Variants in NBEAL1 observed in about 807,000 individuals in gnomAD.
NBEAL1 encodes neurobeachin-like protein 1.
Under a neutral mutation model 351.3 loss-of-function variants are expected in NBEAL1, and 273 were observed. The observed-to-expected ratio is 0.78, with a 90% CI of 0.70 to 0.86. The LOEUF is 0.86. Ranked by LOEUF, NBEAL1 falls within the 40% of genes least tolerant of loss-of-function variation. The pLI, the probability that NBEAL1 is intolerant of heterozygous loss-of-function variation, is 0.00. For synonymous variants in NBEAL1, 1,050 were observed against 1,086.4 expected (o/e 0.97, Z 0.66); for missense variants, 2,961 against 3,201.3 (o/e 0.92, Z 1.81).
chr2:203,206,998 C>A (rs370687731), intron 51 of NBEAL1, among the ~76,000 whole-genome samples: 2 of 151,884 alleles, frequency 1.3e-5, no homozygotes, highest in South Asian at 2.1e-4. Flanking sequence ...GGCCGCCATC[C>A]CATCTAGGAA....
At chr2:203,142,019 C>T (rs1340913500) in intron 31 of NBEAL1, among the ~76,000 whole-genome samples, 3 of 152,178 alleles carry the variant, frequency 2.0e-5, no homozygotes, top group African/African-American at 7.2e-5. Flanking sequence ...TTCCCTACTC[C>T]CCCTGTTGCC....
At chr2:203,141,363 A>ATT (rs1468774275) in intron 31 of NBEAL1, among the ~76,000 whole-genome samples, 21 of 17,474 alleles carry the variant, frequency 1.2e-3, no homozygotes, top group East Asian at 5.1e-3. Flanking sequence ...TATTATTATT[A>ATT]TTATTTTTTT....
intron 2 of NBEAL1, among the ~76,000 whole-genome samples, chr2:203,029,309 C>A (rs548980153): frequency 6.6e-6 from 1 of 152,158 alleles, no homozygotes; most frequent in Non-Finnish European, 1.5e-5. Flanking sequence ...AGCTTCTTTA[C>A]CTGACCACCA....
chr2:203,097,109 C>T (rs1392383138), intron 10 of NBEAL1, among the ~76,000 whole-genome samples: 1 of 152,130 alleles, frequency 6.6e-6, no homozygotes, highest in Middle Eastern at 3.2e-3. Context: ...AGGGAAACTT[C>T]CCTTTATAAA....
rs79120683 is a variant in NBEAL1 at position 203,187,471 on chromosome 2, G to C, written c.6706-1001G>C. On this transcript the variant is annotated intron_variant, in intron 44 of 55. Coordinates refer to ENST00000683969, the MANE Select transcript of NBEAL1 (RefSeq NM_001378026.1). Reference sequence around the variant, plus strand: ...TAGTTCACTTTTGGCTGGGTGCAGTGGCCCACACCTGTAATCCCAGCACTT... The same window carrying C: ...TAGTTCACTTTTGGCTGGGTGCAGTCGCCCACACCTGTAATCCCAGCACTT... Among the ~76,000 whole-genome samples the C allele has an allele frequency of 1.4e-3, 202 of 146,278 alleles. 3 individuals carry two copies. The East Asian group carries it at 0.039, about 28-fold the overall frequency.
At chr2:203,021,601 A>G (rs2060773173) in intron 2 of NBEAL1, among the ~76,000 whole-genome samples, 1 of 151,982 alleles carries the variant, frequency 6.6e-6, no homozygotes, top group Admixed American at 6.6e-5. Context: ...TTTAAAAAAA[A>G]AAAATTAGTT....
At chr2:203,159,039 G>A (rs1049083758) in intron 36 of NBEAL1, among the ~76,000 whole-genome samples, 7 of 151,726 alleles carry the variant, frequency 4.6e-5, no homozygotes, top group African/African-American at 7.3e-5. Flanking sequence ...GGCTGGTCTC[G>A]AACCTCTGGG....
chr2:203,172,300 C>T (rs1050339890), intron 40 of NBEAL1, among the ~76,000 whole-genome samples: 5 of 152,092 alleles, frequency 3.3e-5, no homozygotes, highest in Non-Finnish European at 7.4e-5. Context: ...GCGGGTGGAT[C>T]ACCTGAGGTC....
chr2:203,124,546 A>G (rs554261768), intron 19 of NBEAL1, among the ~76,000 whole-genome samples: 73 of 152,344 alleles, frequency 4.8e-4, no homozygotes, highest in Non-Finnish European at 8.7e-4. Flanking sequence ...TTTATTATCT[A>G]TGTGTATCCT....
intron 14 of NBEAL1, among the ~76,000 whole-genome samples, chr2:203,109,320 C>T (rs978743370): frequency 6.6e-6 from 1 of 151,978 alleles, no homozygotes; most frequent in Non-Finnish European, 1.5e-5. Context: ...GATCGCACCA[C>T]TGTGCTCCAG....
At chr2:203,166,070 ATT>A in intron 36 of NBEAL1, 77 bp from the exon 37 acceptor site, 2 of 1,288,340 alleles carry the variant, frequency 1.6e-6, no homozygotes, top group Non-Finnish European at 2.1e-6. Context: ...AAGAGATTAT[ATT>A]TAAATGTGGC....
chr2:203,060,985 C>T (rs2061490507), intron 6 of NBEAL1, among the ~76,000 whole-genome samples: 1 of 152,144 alleles, frequency 6.6e-6, no homozygotes, highest in Non-Finnish European at 1.5e-5. Flanking sequence ...TATTCTCACA[C>T]TCTGTACATT....
At position 203,184,038 on chromosome 2, in the gene NBEAL1, G is replaced by A. The variant is rs192171287; in HGVS notation, c.6705+650G>A. ...GGTTGCAGTGAGCTGAGATCACGCC[G>A]TTGCATTCCAGCCCAGGCGACAGAG... is the stretch of plus-strand genomic sequence containing the variant. On this transcript the variant is annotated intron_variant, in intron 44 of 55. Transcript: ENST00000683969. Among the ~76,000 whole-genome samples the A allele has an allele frequency of 9.5e-3, 1,282 of 134,554 alleles. 17 individuals are homozygous for A. Among genetic ancestry groups the A allele is most frequent in the African/African-American group, 0.034 (1,201 of 35,316 alleles). 88.3% of individuals were successfully genotyped at this position (134,554 alleles called of 152,430 possible). A position where few individuals can be genotyped will look rare whatever the true frequency, so the allele number is the denominator to read the frequency against.
chr2:203,170,187 A>T (rs1345792380), intron 39 of NBEAL1, among the ~76,000 whole-genome samples: 1 of 152,088 alleles, frequency 6.6e-6, no homozygotes, highest in African/African-American at 2.4e-5. Context: ...CCTGGCCAAC[A>T]TGGTGAAACC....
intron 53 of NBEAL1, among the ~76,000 whole-genome samples, chr2:203,209,827 T>C (rs1220982476): frequency 6.6e-6 from 1 of 151,942 alleles, no homozygotes; most frequent in Non-Finnish European, 1.5e-5. Context: ...TAGCTCACTT[T>C]GGCCTCAAAC....
intron 42 of NBEAL1, among the ~76,000 whole-genome samples, chr2:203,178,846 A>G (rs2106434211): frequency 6.6e-6 from 1 of 152,322 alleles, no homozygotes; most frequent in East Asian, 1.9e-4. Flanking sequence ...AGAATGTTGT[A>G]AAATTCACTG....
In NBEAL1 at chr2:203,217,745, C is replaced by G; in HGVS notation, c.*391C>G. The G allele has an allele frequency of 1.0e-6, 1 of 971,904 alleles. No homozygotes were observed. Among genetic ancestry groups the G allele is most frequent in the Non-Finnish European group, 1.2e-6 (1 of 817,576 alleles). The allele number at this position is 971,904 out of a possible 1,614,324, so 60.2% of individuals were successfully genotyped here. On this transcript the variant is annotated 3_prime_UTR_variant, in exon 56 of 56. Coordinates refer to ENST00000683969, the MANE Select transcript of NBEAL1 (RefSeq NM_001378026.1). ...AAGTAATCATTTTCCTATTTACTGA[C>G]CACTGTAATGAAAATATATCAATTT...
intron 19 of NBEAL1, among the ~76,000 whole-genome samples, chr2:203,124,222 A>G (rs534076331): frequency 1.3e-5 from 2 of 152,286 alleles, no homozygotes; most frequent in South Asian, 2.1e-4. Context: ...AGTCTCAGCT[A>G]CTTGGGAGGC....
intron 33 of NBEAL1, among the ~76,000 whole-genome samples, 186 bp downstream of exon 33, chr2:203,145,346 A>C (rs1359761748): frequency 6.6e-6 from 1 of 152,210 alleles, no homozygotes; most frequent in South Asian, 2.1e-4. Context: ...AAAATGTTCT[A>C]TATAGTGATT....
Sources: allele counts gnomAD v4.1 joint callset (sites outside exome capture counted in the v4.1 genomes callset), GRCh38; gene constraint gnomAD v4.1.1; transcripts MANE v1.5; gene names NCBI Gene and HGNC (gene_info 2026-07-23, HGNC 2026-07-21).